Variants in KCNIP4 observed in about 807,000 individuals in gnomAD.
KCNIP4 encodes potassium voltage-gated channel interacting protein 4, also known as Kv channel-interacting protein 4.
KCNIP4 carries 12 observed loss-of-function variants against 34.0 expected under a neutral mutation model. The ratio of observed to expected loss-of-function variants is 0.35; its 90% CI spans 0.23 to 0.57. The LOEUF (loss-of-function observed/expected upper bound fraction) is 0.57, where lower values mean the gene tolerates loss of function less well. KCNIP4 is among the 20% of genes least tolerant of loss of function. The pLI, the probability that KCNIP4 is intolerant of heterozygous loss-of-function variation, is 0.83. For missense variants in KCNIP4, 238 were observed against 311.7 expected, an observed-to-expected ratio of 0.76 and a Z score of 1.78; for synonymous variants, 124 against 102.2, an observed-to-expected ratio of 1.21 and a Z score of -1.29.
chr4:21,109,696 C>G (rs1188440273), intron 1 of KCNIP4, among the ~76,000 whole-genome samples: 1 of 152,212 alleles, frequency 6.6e-6, no homozygotes, highest in African/African-American at 2.4e-5. Flanking sequence ...TTCTGCATGA[C>G]TCACGCTGGG....
rs1577302131 is a variant in KCNIP4, at chr4:21,399,540, T to G, written c.62-516831A>C. ...TGGGCCAAGAAATTGTGGGTTTATTTTTTGTTTTTGTTGAAGCCAGTTTGA... is the reference window on the plus strand; with the variant it reads ...TGGGCCAAGAAATTGTGGGTTTATTGTTTGTTTTTGTTGAAGCCAGTTTGA... On this transcript the variant is annotated intron_variant, in intron 1 of 8. Coordinates refer to ENST00000382152, the MANE Select transcript of KCNIP4 (RefSeq NM_025221.6). Among the ~76,000 whole-genome samples the G allele has an allele frequency of 8.5e-5, 13 of 152,344 alleles. No homozygotes were observed. The South Asian group carries it at 2.7e-3, about 32-fold the overall frequency.
At chr4:21,472,783 A>G (rs974629164) in intron 1 of KCNIP4, among the ~76,000 whole-genome samples, 2 of 152,278 alleles carry the variant, frequency 1.3e-5, no homozygotes, top group South Asian at 4.1e-4. Context: ...ATGTATGAAC[A>G]TACTCAAACT....
At chr4:21,723,262 C>A (rs201219012) in intron 1 of KCNIP4, among the ~76,000 whole-genome samples, 62 of 152,168 alleles carry the variant, frequency 4.1e-4, no homozygotes, top group East Asian at 3.9e-3. Context: ...ATATATTTCC[C>A]AAATTTGAAG....
At chr4:20,904,644 T>C (rs2149557754) in intron 1 of KCNIP4, among the ~76,000 whole-genome samples, 1 of 152,282 alleles carries the variant, frequency 6.6e-6, no homozygotes, top group East Asian at 1.9e-4. Flanking sequence ...GGAGAGTCCT[T>C]AACAAAATGC....
intron 1 of KCNIP4, among the ~76,000 whole-genome samples, chr4:21,719,833 G>T (rs1035268034): frequency 6.6e-6 from 1 of 151,664 alleles, no homozygotes; most frequent in Non-Finnish European, 1.5e-5. Flanking sequence ...CATGGGAATG[G>T]GCACCTGTAA....
At chr4:20,731,935 A>G in intron 8 of KCNIP4, 71 bp downstream of exon 8, 2 of 1,594,816 alleles carry the variant, frequency 1.3e-6, no homozygotes, top group Admixed American at 1.7e-5. Flanking sequence ...AGTTCATGGT[A>G]GCTAGCTGCT....
At chr4:21,402,176 C>T (rs1723612905) in intron 1 of KCNIP4, among the ~76,000 whole-genome samples, 1 of 152,164 alleles carries the variant, frequency 6.6e-6, no homozygotes, top group Non-Finnish European at 1.5e-5. Context: ...TTGTCTTCTT[C>T]AAATTCACTG....
At chr4:21,079,921 C>G (rs1227906211) in intron 1 of KCNIP4, among the ~76,000 whole-genome samples, 1 of 151,850 alleles carries the variant, frequency 6.6e-6, no homozygotes, top group South Asian at 2.1e-4. Context: ...GGCAAGGAAA[C>G]AGACTCTCCT....
In KCNIP4 at chr4:21,250,976, TTATC is replaced by T. The variant is rs1445468688; in HGVS notation, c.62-368271_62-368268del. On this transcript the variant is annotated intron_variant, in intron 1 of 8. Transcript: ENST00000382152. ...ATATATCTACACTGTATCTCAGAAA[TTATC>T]TACAAATATGTCATTTATCTTGACA... Among the ~76,000 whole-genome samples the T allele has an allele frequency of 1.4e-4, 21 of 151,868 alleles. No individual in the cohort carries two copies. The East Asian group carries it at 4.1e-3, about 29-fold the overall frequency.
chr4:21,197,583 T>G (rs1756147214), intron 1 of KCNIP4, among the ~76,000 whole-genome samples: 5 of 152,034 alleles, frequency 3.3e-5, no homozygotes, highest in African/African-American at 1.2e-4. Flanking sequence ...GTTACTAGTT[T>G]AGTTTCCATA....
At chr4:20,752,148 T>G (rs1406710148) in intron 4 of KCNIP4, among the ~76,000 whole-genome samples, 1 of 139,842 alleles carries the variant, frequency 7.2e-6, no homozygotes, top group Non-Finnish European at 1.5e-5. Context: ...AGCCTCCACC[T>G]CCTGGGTTCA....
intron 1 of KCNIP4, among the ~76,000 whole-genome samples, chr4:21,634,253 A>G (rs942451161): frequency 6.7e-6 from 1 of 150,028 alleles, no homozygotes; most frequent in Non-Finnish European, 1.5e-5. Context: ...AAAAACACAT[A>G]CATACATACT....
At chr4:21,103,140 TA>T (rs1254981943) in intron 1 of KCNIP4, among the ~76,000 whole-genome samples, 2 of 151,766 alleles carry the variant, frequency 1.3e-5, no homozygotes, top group Non-Finnish European at 2.9e-5. Context: ...GATTTGGAGT[TA>T]AAAGAACTTT....
chr4:21,779,746 T>A (rs1719453039), intron 1 of KCNIP4, among the ~76,000 whole-genome samples: 1 of 151,782 alleles, frequency 6.6e-6, no homozygotes. Flanking sequence ...CTACTACACG[T>A]TAAAAAGTTA....
Position 20,827,397 on chromosome 4 carries a change from G to C in KCNIP4, c.288+23146C>G, listed in dbSNP as rs116296174. Among the ~76,000 whole-genome samples, 28 of 152,210 alleles carry C rather than the reference G, an allele frequency of 1.8e-4. 1 individual carries two copies. Among genetic ancestry groups the C allele is most frequent in the African/African-American group, 6.3e-4 (26 of 41,542 alleles). On this transcript the variant is annotated intron_variant, in intron 3 of 8. Transcript: ENST00000382152. ...GTTGCCTCTTCACATGGGAATGCAC[G>C]TCTCTCTGGGAATGCACATCCCTGG...
At chr4:20,975,645 T>C (rs1355661789) in intron 1 of KCNIP4, among the ~76,000 whole-genome samples, 1 of 152,066 alleles carries the variant, frequency 6.6e-6, no homozygotes. Flanking sequence ...ATCCCCTCAA[T>C]AGTACAGAAG....
At chr4:21,605,521 C>T (rs1245115749) in intron 1 of KCNIP4, among the ~76,000 whole-genome samples, 5 of 152,100 alleles carry the variant, frequency 3.3e-5, no homozygotes, top group African/African-American at 1.2e-4. Context: ...CACTCTGTCG[C>T]CCAGGCTGGA....
intron 1 of KCNIP4, among the ~76,000 whole-genome samples, chr4:21,842,781 C>G (rs916000597): frequency 3.9e-5 from 6 of 151,976 alleles, no homozygotes; most frequent in Non-Finnish European, 7.4e-5. Flanking sequence ...ATTATTACAA[C>G]GATTATTAAT....
chr4:21,340,066 G>C (rs1473136154), intron 1 of KCNIP4, among the ~76,000 whole-genome samples: 7 of 152,086 alleles, frequency 4.6e-5, no homozygotes, highest in Non-Finnish European at 1.5e-5. Context: ...TACTTTACAA[G>C]AGGAAATTGA....
Sources: gnomAD v4.1 joint callset for allele counts (sites outside exome capture counted in the v4.1 genomes callset) on GRCh38, gnomAD v4.1.1 for gene constraint, MANE v1.5 for transcripts, NCBI Gene and HGNC (gene_info 2026-07-23, HGNC 2026-07-21) for gene names.